Variants in SLC66A3 observed in about 807,000 individuals in gnomAD.
SLC66A3 encodes the protein PQ loop repeat containing 3.
In SLC66A3, 23 loss-of-function variants were observed where a neutral mutation model predicts 25.5. The ratio of observed to expected loss-of-function variants is 0.90; its 90% confidence interval spans 0.65 to 1.28. The LOEUF (loss-of-function observed/expected upper bound fraction) is 1.28, where lower values mean the gene tolerates loss of function less well. Among genes scored for constraint, SLC66A3 ranks in the 50% most tolerant of loss-of-function variants. The probability of loss-of-function intolerance (pLI) is 0.00; values close to 1 mark genes in which losing one functional copy is unlikely to be tolerated. For missense variants in SLC66A3, 246 were observed against 262.1 expected (o/e 0.94, Z 0.42); for synonymous variants, 108 against 112.6 (o/e 0.96, Z 0.26).
intron 1 of SLC66A3, among the ~76,000 whole-genome samples, chr2:11,159,992 A>G (rs1662055161): frequency 6.6e-6 from 1 of 152,148 alleles, no homozygotes; most frequent in Non-Finnish European, 1.5e-5. Flanking sequence ...AAACACGGCC[A>G]CAGACCCCCG....
intron 4 of SLC66A3, among the ~76,000 whole-genome samples, chr2:11,170,321 A>G (rs1045242412): frequency 6.6e-6 from 1 of 152,076 alleles, no homozygotes; most frequent in Non-Finnish European, 1.5e-5. Context: ...TTCGGTCTAC[A>G]CTCAACCCAG....
chr2:11,177,443 G>A (rs1464641331), intron 6 of SLC66A3, among the ~76,000 whole-genome samples: 1 of 151,044 alleles, frequency 6.6e-6, no homozygotes, highest in African/African-American at 2.4e-5. Flanking sequence ...TGGGTGACAG[G>A]GCAAGACTGT....
rs536501726 is a variant in SLC66A3, at chr2:11,155,706, C to G, written c.143+17C>G. ...GCTGGCAGGGTAAGGCCCGGGGCGG[C>G]CGGGGCTGCCTCCTGCCCCCTCGCA... On this transcript the variant is annotated intron_variant, in intron 1 of 6. Transcript: ENST00000295083. 54 of 1,381,978 alleles carry G rather than the reference C, an allele frequency of 3.9e-5. No individual in the cohort carries two copies. In the African/African-American group the frequency reaches 7.8e-4, roughly 20 times the overall value. The allele number at this position is 1,381,978 out of a possible 1,614,324, so 85.6% of individuals were successfully genotyped here.
At chr2:11,156,119 A>C (rs2147978138) in intron 1 of SLC66A3, among the ~76,000 whole-genome samples, 1 of 152,326 alleles carries the variant, frequency 6.6e-6, no homozygotes, top group East Asian at 1.9e-4. Flanking sequence ...GGGTTGAACT[A>C]AGAATGTATG....
In SLC66A3 at chr2:11,177,428, C is replaced by G. The variant is rs143783217; in HGVS notation, c.518-309C>G. 4.8e-3 allele frequency among the ~76,000 whole-genome samples: 710 copies of G among 149,000 alleles called. 1 individual carries two copies. Among genetic ancestry groups the G allele is most frequent in the Non-Finnish European group, 8.2e-3 (554 of 67,548 alleles). ...TGAGCCAAGACAGGCCACTGAACCC[C>G]AGCCTGGGTGACAGGGCAAGACTGT... On this transcript the variant is annotated intron_variant, in intron 6 of 6. Coordinates refer to ENST00000295083, the MANE Select transcript of SLC66A3 (RefSeq NM_152391.5).
At chr2:11,158,530 C>T (rs997718350) in intron 1 of SLC66A3, among the ~76,000 whole-genome samples, 2 of 152,228 alleles carry the variant, frequency 1.3e-5, no homozygotes, top group South Asian at 2.1e-4. Flanking sequence ...GGCGTGGTGG[C>T]TGGCGCCTGT....
chr2:11,174,705 T>C (rs999859279), intron 5 of SLC66A3, among the ~76,000 whole-genome samples: 1 of 152,192 alleles, frequency 6.6e-6, no homozygotes, highest in African/African-American at 2.4e-5. Flanking sequence ...TTTGCCATGT[T>C]GGCCAGGCTG....
chr2:11,161,022 G>A (rs927773325), intron 3 of SLC66A3, among the ~76,000 whole-genome samples: 7 of 152,128 alleles, frequency 4.6e-5, no homozygotes, highest in African/African-American at 1.7e-4. Context: ...AATGTCCTCC[G>A]AGGATTGGAA....
At chr2:11,160,755 A>G in intron 3 of SLC66A3, 61 bp downstream of exon 3, 5 of 1,611,800 alleles carry the variant, frequency 3.1e-6, no homozygotes, top group Middle Eastern at 1.7e-4. Context: ...AATGGTATGC[A>G]TTGTGAAGCA....
intron 4 of SLC66A3, among the ~76,000 whole-genome samples, chr2:11,165,342 A>T (rs1277007438): frequency 2.8e-5 from 4 of 143,694 alleles, no homozygotes; most frequent in African/African-American, 1.1e-4. Flanking sequence ...ATCTCAGACG[A>T]TGGGCGACCG....
intron 3 of SLC66A3, among the ~76,000 whole-genome samples, chr2:11,163,873 T>C (rs557592804): frequency 6.6e-6 from 1 of 152,246 alleles, no homozygotes; most frequent in Non-Finnish European, 1.5e-5. Context: ...GCTTAGCTTT[T>C]GACCATAAAT....
rs550435237 is a variant in SLC66A3 at position 11,178,160 on chromosome 2, T to C, written c.*332T>C. ...CTCTATGAAGAACTACATTGATTTG[T>C]TGGCTTTCAGAATCTTTTAGGAAAT... On this transcript the variant is annotated 3_prime_UTR_variant, in exon 7 of 7. Coordinates refer to ENST00000295083, the MANE Select transcript of SLC66A3 (RefSeq NM_152391.5). 2.2e-5 allele frequency: 4 copies of C among 181,970 alleles called. No individual in the cohort carries two copies. Among genetic ancestry groups the C allele is most frequent in the Non-Finnish European group, 4.5e-5 (4 of 88,466 alleles). The allele number at this position is 181,970 out of a possible 1,614,324, so 11.3% of individuals were successfully genotyped here.
At position 11,155,674 on chromosome 2, in the gene SLC66A3, T is replaced by A. The variant is rs1032533139; in HGVS notation, c.128T>A (p.Leu43His). The A allele has an allele frequency of 5.5e-6, 8 of 1,452,762 alleles. No individual in the cohort carries two copies. Among genetic ancestry groups the A allele is most frequent in the Non-Finnish European group, 7.2e-6 (8 of 1,107,682 alleles). 90.0% of individuals were successfully genotyped at this position (1,452,762 alleles called of 1,614,324 possible). ...SARGLSLPSLLLELAGFLVFL... is the reference protein window; with the variant it reads ...SARGLSLPSLHLELAGFLVFL... ...CGGGGCCTCAGCCTTCCGAGTTTAC[T>A]TCTGGAGCTGGCAGGGTAAGGCCCG... The change falls in exon 1 of 7, where the codon CTT (leucine) becomes CAT (histidine). Residue 43 changes from leucine (L) to histidine (H), a missense_variant. Leu to His is a moderately conservative substitution (Grantham distance 99). Transcript: ENST00000295083.
At chr2:11,158,007 T>A (rs149497743) in intron 1 of SLC66A3, among the ~76,000 whole-genome samples, 1 of 152,182 alleles carries the variant, frequency 6.6e-6, no homozygotes, top group Non-Finnish European at 1.5e-5. Context: ...AGCCTTGGCC[T>A]CTGGGTAGGA....
Position 11,164,322 on chromosome 2 carries a change from G to GAGATATATATATATATAT in SLC66A3, c.354+62_354+63insGATATATATATATATATA, listed in dbSNP as rs1278671534. On this transcript the variant is annotated intron_variant, in intron 4 of 6. Coordinates refer to ENST00000295083, the MANE Select transcript of SLC66A3 (RefSeq NM_152391.5). ...AAGCTACCTTGGAGAGAACTTGATA[G>GAGATATATATATATATAT]ATATTTATATATATATATATATATT... is the stretch of plus-strand genomic sequence containing the variant. 5 of 327,082 alleles carry GAGATATATATATATATAT rather than the reference G, an allele frequency of 1.5e-5. No individual in the cohort carries two copies. The African/African-American group carries it at 1.7e-4, about 11-fold the overall frequency. 20.3% of individuals were successfully genotyped at this position (327,082 alleles called of 1,614,324 possible).
At position 11,170,803 on chromosome 2, in the gene SLC66A3, C is replaced by T. The variant is rs568703916; in HGVS notation, c.355-1122C>T. Among the ~76,000 whole-genome samples, 4 of 151,700 alleles carry T rather than the reference C, an allele frequency of 2.6e-5. No individual in the cohort carries two copies. In the South Asian group the frequency reaches 8.4e-4, roughly 32 times the overall value. On this transcript the variant is annotated intron_variant, in intron 4 of 6. Coordinates refer to ENST00000295083, the MANE Select transcript of SLC66A3 (RefSeq NM_152391.5). Reference sequence around the variant, plus strand: ...ACGGGGTTTCACCATGTTGGCCAGGCTGGTCTCAAACTCCTGACCTTGTGA... The same window carrying T: ...ACGGGGTTTCACCATGTTGGCCAGGTTGGTCTCAAACTCCTGACCTTGTGA...
At chr2:11,176,730 G>GT (rs1662764700) in intron 6 of SLC66A3, among the ~76,000 whole-genome samples, 1 of 144,356 alleles carries the variant, frequency 6.9e-6, no homozygotes, top group Non-Finnish European at 1.5e-5. Context: ...GGGTTTCACC[G>GT]TTTTAGCCGG....
chr2:11,172,658 C>T (rs1056639715), intron 5 of SLC66A3: 1 of 332,240 alleles, frequency 3.0e-6, no homozygotes, highest in Non-Finnish European at 6.3e-6. Flanking sequence ...GGGCTAATGT[C>T]TCCATCCATG....
chr2:11,165,976 G>A (rs1662327033), intron 4 of SLC66A3, among the ~76,000 whole-genome samples: 1 of 152,250 alleles, frequency 6.6e-6, no homozygotes, highest in African/African-American at 2.4e-5. Context: ...GTCCAGTCCA[G>A]CTTCGGCTCG....
Sources: allele counts gnomAD v4.1 joint callset (sites outside exome capture counted in the v4.1 genomes callset), GRCh38; gene constraint gnomAD v4.1.1; transcripts MANE v1.5; gene names NCBI Gene and HGNC (gene_info 2026-07-23, HGNC 2026-07-21).